The following RPL6 variants were observed in gnomAD, a reference collection of about 807,000 sequenced individuals.
The protein encoded by RPL6 is large ribosomal subunit protein eL6.
RPL6 carries 1 observed loss-of-function variant against 32.1 expected under a neutral mutation model. The observed-to-expected ratio is 0.03, with a 90% CI of 0.01 to 0.15. The LOEUF is 0.15. RPL6 is among the 10% of genes least tolerant of loss of function. RPL6 has a pLI of 1.00. For missense variants in RPL6, 275 were observed against 354.6 expected (o/e 0.78, Z 1.80); for synonymous variants, 126 against 131.6 (o/e 0.96, Z 0.29).
intron 1 of RPL6, among the ~76,000 whole-genome samples, chr12:112,417,080 AAG>A: frequency 6.6e-6 from 1 of 152,044 alleles, no homozygotes; most frequent in East Asian, 1.9e-4. Flanking sequence ...ATTTTTGAGA[AAG>A]AGTCTCACCC....
At chr12:112,410,357 G>A, upstream of RPL6, 1 of 280,026 alleles carries the variant, frequency 3.6e-6, no homozygotes, top group South Asian at 4.3e-5. Context: ...CTTGTACATG[G>A]CCTTTCTCAT....
upstream of RPL6, chr12:112,409,705 T>C (rs73209624): frequency 0.02 from 7,816 of 388,542 alleles, 91 homozygotes; most frequent in Middle Eastern, 0.043. Flanking sequence ...TATTTCCCCG[T>C]TAAGAAAAAA....
Position 112,409,601 on chromosome 12 carries a change from A to G in RPL6, c.-15T>C, listed in dbSNP as rs748939948. On this transcript the variant is annotated 5_prime_UTR_variant, in exon 1 of 7. Transcript: ENST00000202773. ...GCGATTCTTACCTTGCAAGATGGGA[A>G]AGAGAATTAAGGTCCCGGCTTCCGG... 1.0e-5 allele frequency: 4 copies of G among 398,190 alleles called. No individual in the cohort carries two copies. The highest frequency in any genetic ancestry group is 1.8e-5 in the Non-Finnish European group (4 of 225,952). 24.7% of individuals were successfully genotyped at this position (398,190 alleles called of 1,614,324 possible). A position where few individuals can be genotyped will look rare whatever the true frequency, so the allele number is the denominator to read the frequency against.
At chr12:112,409,387 A>T (rs1393332904) in intron 1 of RPL6, 200 bp downstream of exon 1, 2 of 397,830 alleles carry the variant, frequency 5.0e-6, no homozygotes, top group Non-Finnish European at 8.9e-6. Flanking sequence ...AACCGGAGGG[A>T]GCCACTACGG....
intron 1 of RPL6, 171 bp downstream of exon 1, chr12:112,409,414 CTT>C (rs1250548949): frequency 2.5e-6 from 1 of 398,524 alleles, no homozygotes; most frequent in Non-Finnish European, 4.4e-6. Flanking sequence ...ACCTCACCCT[CTT>C]TGTGCCCTGC....
At chr12:112,415,304 C>A (rs2037393289), upstream of RPL6, among the ~76,000 whole-genome samples, 1 of 152,188 alleles carries the variant, frequency 6.6e-6, no homozygotes, top group South Asian at 2.1e-4. Context: ...TGCATTGGCT[C>A]ACGCCTGTAA....
upstream of RPL6, among the ~76,000 whole-genome samples, chr12:112,410,028 C>T (rs931886492): frequency 3.3e-5 from 5 of 150,692 alleles, no homozygotes; most frequent in Non-Finnish European, 7.4e-5. Context: ...AAAAAAAGGG[C>T]CGGACACGGT....
chr12:112,416,133 A>ATTTTTTTT (rs1168421826), intron 1 of RPL6, among the ~76,000 whole-genome samples: 266 of 50,994 alleles, frequency 5.2e-3, no homozygotes, highest in African/African-American at 6.2e-3. Context: ...TAAATTTTGT[A>ATTTTTTTT]TTTTTTTTTT....
chr12:112,408,945 CATT>C lies in RPL6; in HGVS notation c.1-292_1-290del, dbSNP rs1292187542. ...CTGAGCGGTCAGAAGTCCGTACAAC[CATT>C]ATTTTTTATTACTGTTTTGCGAATT... On this transcript the variant is annotated intron_variant, in intron 1 of 6. Coordinates refer to ENST00000202773, the MANE Select transcript of RPL6 (RefSeq NM_000970.6). 7.8e-6 allele frequency: 3 copies of C among 382,746 alleles called. No individual in the cohort carries two copies. The East Asian group carries it at 1.3e-4, about 16-fold the overall frequency. 23.7% of individuals were successfully genotyped at this position (382,746 alleles called of 1,614,324 possible). A position where few individuals can be genotyped will look rare whatever the true frequency, so the allele number is the denominator to read the frequency against.
At chr12:112,408,110 A>G (rs1304712280) in intron 3 of RPL6, 130 bp downstream of exon 3, 3 of 674,620 alleles carry the variant, frequency 4.4e-6, no homozygotes, top group Non-Finnish European at 7.6e-6. Context: ...CAAGTTACAA[A>G]CCCAGAGCCC....
In RPL6 at chr12:112,405,928, A is replaced by G. The variant is rs749789564; in HGVS notation, c.639T>C (p.Thr213=). 1.2e-5 allele frequency: 19 copies of G among 1,613,870 alleles called. No homozygotes were observed. Among genetic ancestry groups the G allele is most frequent in the South Asian group, 5.5e-5 (5 of 91,082 alleles). Residue 213 remains threonine (T), a synonymous_variant, in exon 6 of 7, where the codon ACT becomes ACC. Coordinates refer to ENST00000202773, the MANE Select transcript of RPL6 (RefSeq NM_000970.6). ...GCTTCTTCTTCTTGAAGTAAGCATC[A>G]GTAAGATGTTTTGGGATTTTTACAT... ...ISNVKIPKHL[T]DAYFKKKKLR...
chr12:112,409,384 G>C lies in RPL6; in HGVS notation c.-1+203C>G, dbSNP rs538056240. ...CCCAAGAGAGTGGCGAAGAACCGGA[G>C]GGAGCCACTACGGCATTCTACCTCA... On this transcript the variant is annotated intron_variant, in intron 1 of 6. Coordinates refer to ENST00000202773, the MANE Select transcript of RPL6 (RefSeq NM_000970.6). 38 of 397,898 alleles carry C rather than the reference G, an allele frequency of 9.6e-5. 1 individual carries two copies. In the South Asian group the frequency reaches 4.5e-3, roughly 47 times the overall value. 24.6% of individuals were successfully genotyped at this position (397,898 alleles called of 1,614,324 possible).
rs557116943 is a variant in RPL6, at chr12:112,405,828, C to T, written c.714+25G>A. On this transcript the variant is annotated intron_variant, in intron 6 of 6. Coordinates refer to ENST00000202773, the MANE Select transcript of RPL6 (RefSeq NM_000970.6). ...CCAGGTAGAAGGGCCAGTGCTAACA[C>T]AGGAGATGACAAGTAGAAACTTACC... 60 of 1,593,622 alleles carry T rather than the reference C, an allele frequency of 3.8e-5. 1 individual carries two copies. In the South Asian group the frequency reaches 4.1e-4, roughly 11 times the overall value.
intron 1 of RPL6, 176 bp downstream of exon 1, chr12:112,409,411 C>T (rs1004703515): frequency 2.5e-6 from 1 of 398,400 alleles, no homozygotes; most frequent in East Asian, 3.6e-5. Context: ...TCTACCTCAC[C>T]CTCTTTGTGC....
At position 112,405,986 on chromosome 12, in the gene RPL6, A is replaced by G. The variant is rs759928912; in HGVS notation, c.581T>C (p.Val194Ala). Residue 194 changes from valine (V) to alanine (A), a missense_variant, in exon 6 of 7, where the codon GTC becomes GCC. Transcript: ENST00000202773. Reference protein sequence around the residue: ...VPLRRTHQKFVIATSTKIDIS... With the variant: ...VPLRRTHQKFAIATSTKIDIS... ...ATCGATTTTGGTTGAAGTGGCAATG[A>G]CAAATTTCTGGTGTGTTCTTCGTAG... 1 of 1,614,172 alleles carries G rather than the reference A, an allele frequency of 6.2e-7. No homozygotes were observed. The highest frequency in any genetic ancestry group is 1.3e-5 in the African/African-American group (1 of 75,042).
At chr12:112,417,247 G>A (rs2037424305) in intron 1 of RPL6, among the ~76,000 whole-genome samples, 1 of 151,928 alleles carries the variant, frequency 6.6e-6, no homozygotes, top group Non-Finnish European at 1.5e-5. Flanking sequence ...TAGTTGAGAC[G>A]GGGTCTCACC....
intron 5 of RPL6, 113 bp downstream of exon 5, chr12:112,406,181 G>A: frequency 8.3e-7 from 1 of 1,208,998 alleles, no homozygotes; most frequent in Non-Finnish European, 1.2e-6. Flanking sequence ...ATGGGCCTCA[G>A]ACACTTGTGG....
At chr12:112,412,775 T>C (rs2135808862), upstream of RPL6, among the ~76,000 whole-genome samples, 1 of 152,106 alleles carries the variant, frequency 6.6e-6, no homozygotes, top group East Asian at 1.9e-4. Context: ...AATACAAAAA[T>C]TAGCCAGGCA....
chr12:112,417,583 TTTTTTA>T (rs2037431569), intron 1 of RPL6, among the ~76,000 whole-genome samples: 1 of 143,104 alleles, frequency 7.0e-6, no homozygotes, highest in African/African-American at 2.6e-5. Flanking sequence ...TTTTTTTTTT[TTTTTTA>T]AGAGACATGG....
Sources: gnomAD v4.1 joint callset for allele counts (sites outside exome capture counted in the v4.1 genomes callset) on GRCh38, gnomAD v4.1.1 for gene constraint, MANE v1.5 for transcripts, NCBI Gene and HGNC (gene_info 2026-07-23, HGNC 2026-07-21) for gene names.